Variants in RNF169 observed in about 807,000 individuals in gnomAD.
RNF169 encodes ring finger protein 169.
In RNF169, 24 loss-of-function variants were observed where a neutral mutation model predicts 53.9. The observed-to-expected ratio is 0.45, with a 90% CI of 0.32 to 0.63. The LOEUF is 0.63. Ranked by LOEUF, RNF169 falls within the 20% of genes least tolerant of loss-of-function variation. The probability of loss-of-function intolerance (pLI) is 0.04; values close to 1 mark genes in which losing one functional copy is unlikely to be tolerated. For synonymous variants in RNF169, 396 were observed against 363.5 expected (o/e 1.09, Z -1.02); for missense variants, 883 against 906.2 (o/e 0.97, Z 0.33).
intron 3 of RNF169, among the ~76,000 whole-genome samples, chr11:74,817,029 A>C (rs1192301255): frequency 6.6e-6 from 1 of 152,244 alleles, no homozygotes; most frequent in Non-Finnish European, 1.5e-5. Flanking sequence ...ATCTAAGGTA[A>C]GGCAATGACC....
chr11:74,780,613 T>G (rs1221376826), intron 1 of RNF169, among the ~76,000 whole-genome samples: 1 of 152,352 alleles, frequency 6.6e-6, no homozygotes, highest in East Asian at 1.9e-4. Flanking sequence ...AAAAAATGGT[T>G]TTAATTTTTG....
intron 1 of RNF169, among the ~76,000 whole-genome samples, chr11:74,761,878 G>C (rs1340518685): frequency 2.0e-5 from 3 of 147,032 alleles, no homozygotes; most frequent in Non-Finnish European, 4.5e-5. Context: ...AAGTTCTCCT[G>C]GATAATATCC....
At chr11:74,814,465 T>G (rs966407385) in intron 3 of RNF169, among the ~76,000 whole-genome samples, 5 of 141,390 alleles carry the variant, frequency 3.5e-5, no homozygotes, top group African/African-American at 5.2e-5. Flanking sequence ...CACTGTAGCC[T>G]CAAGCCCCTG....
At chr11:74,818,479 A>G (rs184769727) in intron 4 of RNF169, among the ~76,000 whole-genome samples, 13 of 151,836 alleles carry the variant, frequency 8.6e-5, no homozygotes, top group Non-Finnish European at 1.3e-4. Context: ...TGTAGCCTCA[A>G]TCTCCTGAGC....
intron 4 of RNF169, among the ~76,000 whole-genome samples, chr11:74,821,396 C>T (rs960240517): frequency 3.9e-5 from 5 of 127,782 alleles, no homozygotes; most frequent in Non-Finnish European, 6.2e-5. Flanking sequence ...CGGTGGCTCA[C>T]GCCTGTAATC....
chr11:74,785,227 T>TGTTAG, intron 1 of RNF169, among the ~76,000 whole-genome samples: 1 of 102,482 alleles, frequency 9.8e-6, no homozygotes, highest in South Asian at 3.0e-4. Flanking sequence ...ATATGTTATA[T>TGTTAG]ATATTATATA....
intron 3 of RNF169, among the ~76,000 whole-genome samples, chr11:74,813,810 C>T (rs1565183721): frequency 1.3e-5 from 2 of 152,252 alleles, no homozygotes; most frequent in Non-Finnish European, 2.9e-5. Flanking sequence ...CCTGCCTCAG[C>T]CTCCTGTGTA....
At chr11:74,752,431 T>C (rs2034911798) in intron 1 of RNF169, among the ~76,000 whole-genome samples, 2 of 151,562 alleles carry the variant, frequency 1.3e-5, no homozygotes, top group Non-Finnish European at 2.9e-5. Flanking sequence ...ACCTTGTCTC[T>C]ACTAAAAATA....
intron 3 of RNF169, among the ~76,000 whole-genome samples, chr11:74,816,721 CTG>C (rs1417723189): frequency 2.0e-5 from 3 of 152,172 alleles, no homozygotes; most frequent in Admixed American, 2.0e-4. Context: ...TTTTGAAAGA[CTG>C]TGGTACGTGT....
chr11:74,767,667 TC>T (rs2035194911), intron 1 of RNF169, among the ~76,000 whole-genome samples: 1 of 152,128 alleles, frequency 6.6e-6, no homozygotes, highest in Admixed American at 6.5e-5. Context: ...CCTCCTGGGT[TC>T]ACGCCATTCT....
At chr11:74,756,609 A>G (rs1160588855) in intron 1 of RNF169, among the ~76,000 whole-genome samples, 1 of 152,234 alleles carries the variant, frequency 6.6e-6, no homozygotes, top group Non-Finnish European at 1.5e-5. Context: ...ACATTTGACC[A>G]TCAGTATTCA....
chr11:74,821,779 C>CT (rs1425359509), intron 4 of RNF169, among the ~76,000 whole-genome samples: 1 of 151,710 alleles, frequency 6.6e-6, no homozygotes, highest in Non-Finnish European at 1.5e-5. Flanking sequence ...GAGGTGATAG[C>CT]TAAAGGGTAT....
At chr11:74,777,415 T>C (rs1445865950) in intron 1 of RNF169, among the ~76,000 whole-genome samples, 1 of 152,196 alleles carries the variant, frequency 6.6e-6, no homozygotes, top group Non-Finnish European at 1.5e-5. Flanking sequence ...CTGCCTAGGA[T>C]AAAAGGCCAT....
intron 4 of RNF169, among the ~76,000 whole-genome samples, chr11:74,834,471 A>G (rs2036222289): frequency 6.6e-6 from 1 of 152,224 alleles, no homozygotes; most frequent in Non-Finnish European, 1.5e-5. Context: ...TCTTGAACCA[A>G]ATATCCTCTC....
Position 74,770,639 on chromosome 11 carries a change from C to T in RNF169, c.503-18987C>T, listed in dbSNP as rs553046034. Reference sequence around the variant, plus strand: ...CCTGTGTTACACAGTACTTGGCATACGTTTAGCCTCTTGGCTAGTGTGTTT... The same window carrying T: ...CCTGTGTTACACAGTACTTGGCATATGTTTAGCCTCTTGGCTAGTGTGTTT... On this transcript the variant is annotated intron_variant, in intron 1 of 5. Coordinates refer to ENST00000299563, the MANE Select transcript of RNF169 (RefSeq NM_001098638.2). 3.1e-4 allele frequency among the ~76,000 whole-genome samples: 47 copies of T among 152,070 alleles called. 1 individual carries two copies. The highest frequency in any genetic ancestry group is 5.3e-4 in the Non-Finnish European group (36 of 68,020).
intron 3 of RNF169, among the ~76,000 whole-genome samples, chr11:74,817,133 G>A (rs1328943991): frequency 1.3e-5 from 2 of 152,146 alleles, no homozygotes; most frequent in Non-Finnish European, 2.9e-5. Context: ...GGAGACTAAT[G>A]CTCTTAATTT....
intron 3 of RNF169, 23 bp from the exon 4 acceptor site, chr11:74,817,573 T>C (rs750837907): frequency 6.8e-7 from 1 of 1,461,334 alleles, no homozygotes; most frequent in Non-Finnish European, 9.6e-7. Context: ...TGGACAGTGT[T>C]GTCTCCCTTG....
chr11:74,835,670 C>G lies in RNF169; in HGVS notation c.1067C>G (p.Ser356Cys). ...CGTCTACCCTTCAGCTCCCTTTCAT[C>G]CTTGGCTTCCCTGCATAAGCCAGAG... is the stretch of plus-strand genomic sequence containing the variant. ...EKRLPFSSLS[S>C]LASLHKPERS... The change falls in exon 6 of 6, where the codon TCC becomes TGC. Residue 356 changes from serine to cysteine, a missense_variant. Ser to Cys is a moderately radical substitution (Grantham distance 112, BLOSUM62 -1). This residue lies in a region of RNF169 where 219 missense variants were observed against 289.1 expected (regional missense o/e 0.76). Transcript: ENST00000299563. 6.2e-7 allele frequency: 1 copy of G among 1,614,154 alleles called. No individual in the cohort carries two copies. The highest frequency in any genetic ancestry group is 1.3e-5 in the African/African-American group (1 of 75,032).
At chr11:74,812,445 C>T (rs950450356) in intron 3 of RNF169, among the ~76,000 whole-genome samples, 1 of 152,074 alleles carries the variant, frequency 6.6e-6, no homozygotes, top group African/African-American at 2.4e-5. Flanking sequence ...CAGCTGTGTA[C>T]CACCATGGCT....
Sources: gnomAD v4.1 joint callset for allele counts (sites outside exome capture counted in the v4.1 genomes callset) on GRCh38, gnomAD v4.1.1 for gene constraint, gnomAD v4.1.1 regional missense constraint, MANE v1.5 for transcripts, NCBI Gene and HGNC (gene_info 2026-07-23, HGNC 2026-07-21) for gene names.